FBXO45: variants seen among roughly 807,000 people sequenced by gnomAD.
FBXO45 encodes the protein F-box protein 45.
FBXO45 carries 3 observed loss-of-function variants against 25.5 expected under a neutral mutation model. That is an observed-to-expected ratio of 0.12 (90% CI 0.05 to 0.30). The LOEUF (loss-of-function observed/expected upper bound fraction) is 0.30, where lower values mean the gene tolerates loss of function less well. Among genes scored for constraint, FBXO45 ranks in the 10% least tolerant of loss-of-function variants. The pLI is 1.00. For synonymous variants in FBXO45, 155 were observed against 149.8 expected (o/e 1.03, Z -0.25); for missense variants, 219 against 365.0 (o/e 0.60, Z 3.26).
At chr3:196,582,781 A>G (rs1736036353) in intron 2 of FBXO45, among the ~76,000 whole-genome samples, 1 of 152,208 alleles carries the variant, frequency 6.6e-6, no homozygotes, top group Non-Finnish European at 1.5e-5. Flanking sequence ...TCTACATTAG[A>G]ATTTGTAGCC....
chr3:196,572,324 C>T (rs148807724), intron 1 of FBXO45, among the ~76,000 whole-genome samples: 1,658 of 152,266 alleles, frequency 0.011, 90 homozygotes, highest in Admixed American at 0.083. Context: ...GGATATTAAT[C>T]AAATAATCAC....
In FBXO45 at chr3:196,587,459, T is replaced by G. The variant is rs1438567985; in HGVS notation, c.*3141T>G. ...ATATTTAAAATCATTGTTCAGTGAT[T>G]AGGCATTTTCTGCCTTTTAGAATTA... On this transcript the variant is annotated 3_prime_UTR_variant, in exon 3 of 3. Transcript: ENST00000311630. 1 of 152,278 alleles carries G rather than the reference T, an allele frequency of 6.6e-6. No homozygotes were observed. Among genetic ancestry groups the G allele is most frequent in the African/African-American group, 2.4e-5 (1 of 41,472 alleles). 9.4% of individuals were successfully genotyped at this position (152,278 alleles called of 1,614,324 possible). A position where few individuals can be genotyped will look rare whatever the true frequency, so the allele number is the denominator to read the frequency against.
chr3:196,584,210 G>T lies in FBXO45; in HGVS notation c.753G>T (p.Gly251=), dbSNP rs780554125. Residue 251 remains glycine (G), a synonymous_variant, in exon 3 of 3, where the codon GGG becomes GGT. Coordinates refer to ENST00000311630, the MANE Select transcript of FBXO45 (RefSeq NM_001105573.2). The surrounding 1 kb of genome is among the most constrained non-coding windows in gnomAD (Gnocchi z 4.3). ...TTGAACGTGGATATGAGTTCCTGGG[G>T]GTTGCTTTTAGAGGACTTCCAAAGG... is the stretch of plus-strand genomic sequence containing the variant. ...LAFERGYEFL[G]VAFRGLPKVC... 1.2e-6 allele frequency: 2 copies of T among 1,613,814 alleles called. No individual in the cohort carries two copies. The highest frequency in any genetic ancestry group is 2.7e-5 in the African/African-American group (2 of 74,908).
In FBXO45 at chr3:196,577,808, A is replaced by C; in HGVS notation, c.674A>C (p.Gln225Pro). The part of the protein sequence containing the change: ...FPQCNNAPKY[Q>P]IGERIRVILD... ...CAGTGCAACAACGCACCAAAATATC[A>C]GGTGAGAAACTGGGGTTTTTCTCAA... The change falls in exon 2 of 3, where the codon CAG becomes CCG. Residue 225 changes from glutamine to proline, a missense_variant and splice_region_variant. By Grantham distance (76) the Gln-to-Pro change is moderately conservative. Around this residue, in one of 4 missense-constraint regions of FBXO45, gnomAD observed 34 missense variants for 48.2 expected, o/e 0.70. Transcript: ENST00000311630. The C allele has an allele frequency of 1.9e-6, 3 of 1,567,070 alleles. No individual in the cohort carries two copies. Among genetic ancestry groups the C allele is most frequent in the South Asian group, 1.1e-5 (1 of 87,098 alleles).
In FBXO45 at chr3:196,587,374, A is replaced by C. The variant is rs1216026948; in HGVS notation, c.*3056A>C. 1 of 152,240 alleles carries C rather than the reference A, an allele frequency of 6.6e-6. No homozygotes were observed. The highest frequency in any genetic ancestry group is 1.5e-5 in the Non-Finnish European group (1 of 68,038). The allele number at this position is 152,240 out of a possible 1,614,324, so 9.4% of individuals were successfully genotyped here. A position where few individuals can be genotyped will look rare whatever the true frequency, so the allele number is the denominator to read the frequency against. On this transcript the variant is annotated 3_prime_UTR_variant, in exon 3 of 3. Transcript: ENST00000311630. The stretch of plus-strand genomic sequence containing the variant: ...GCCATTTATTTCATCTCCCTCATTC[A>C]CATAAAGTGTAGATATGGATTCAAT...
intron 2 of FBXO45, among the ~76,000 whole-genome samples, chr3:196,578,043 A>ATTTTTTTTTTTTTTTTTT (rs1196867210): frequency 2.4e-4 from 6 of 25,188 alleles, no homozygotes; most frequent in East Asian, 2.5e-3. Flanking sequence ...GCAGAAAAAT[A>ATTTTTTTTTTTTTTTTTT]TTCTTTTTTT....
At chr3:196,578,870 T>C (rs1048337844) in intron 2 of FBXO45, among the ~76,000 whole-genome samples, 2 of 152,176 alleles carry the variant, frequency 1.3e-5, no homozygotes, top group Non-Finnish European at 2.9e-5. Context: ...AAACAATTCT[T>C]CCAGTGTGGC....
In FBXO45 at chr3:196,577,711, G is replaced by T; in HGVS notation, c.577G>T (p.Asp193Tyr). 6.2e-7 allele frequency: 1 copy of T among 1,613,948 alleles called. No individual in the cohort carries two copies. Among genetic ancestry groups the T allele is most frequent in the South Asian group, 1.1e-5 (1 of 91,044 alleles). ...TTATGTGGCATTGCTGGGCAGTGAT[G>T]ACCAGAGCTGGGGCTGGAATCTGGT... The part of the protein sequence containing the change: ...QGYVALLGSD[D>Y]QSWGWNLVDN... Residue 193 changes from aspartate to tyrosine, a missense_variant, in exon 2 of 3, where the codon GAC (aspartate) becomes TAC (tyrosine). By Grantham distance (160) the Asp-to-Tyr change is radical. Transcript: ENST00000311630.
rs933555906 is a variant in FBXO45 at position 196,584,302 on chromosome 3, A to C, written c.845A>C (p.Lys282Thr). Residue 282 changes from lysine to threonine, a missense_variant, in exon 3 of 3, where the codon AAA (lysine) becomes ACA (threonine). By Grantham distance (78) the Lys-to-Thr change is moderately conservative. Around this residue, in one of 4 missense-constraint regions of FBXO45, gnomAD observed 16 missense variants for 52.3 expected, o/e 0.31. Transcript: ENST00000311630. This position sits in a 1 kb window ranked among gnomAD's most constrained non-coding sequence, Gnocchi z 4.3. ...NTEVTLVYLG[K>T]PLDG ...GAAGTGACTTTGGTTTACCTTGGAA[A>C]ACCTTTGGACGGATGACAGTGGCTT... is the stretch of plus-strand genomic sequence containing the variant. 3 of 1,608,480 alleles carry C rather than the reference A, an allele frequency of 1.9e-6. No homozygotes were observed. The highest frequency in any genetic ancestry group is 2.5e-6 in the Non-Finnish European group (3 of 1,178,568).
At chr3:196,580,020 T>C (rs137993204) in intron 2 of FBXO45, among the ~76,000 whole-genome samples, 248 of 152,226 alleles carry the variant, frequency 1.6e-3, no homozygotes, top group African/African-American at 5.9e-3. Flanking sequence ...AGACGGAGTT[T>C]TACTCTTGTT....
chr3:196,580,267 A>ATGATCTCAGCTCACCGCAACCTC (rs1366689400), intron 2 of FBXO45, among the ~76,000 whole-genome samples: 2 of 148,510 alleles, frequency 1.3e-5, no homozygotes, highest in African/African-American at 5.0e-5. Context: ...GTGCAATGGC[A>ATGATCTCAGCTCACCGCAACCTC]TGATCTCAGC....
chr3:196,569,444 TC>T lies in FBXO45; in HGVS notation c.318+148del. Reference sequence around the variant, plus strand: ...GGCTCCAGTCAGTATCTTCCTCACCTCCCCCCAAGATAAAGATTCTCTTTTC... The same window carrying T: ...GGCTCCAGTCAGTATCTTCCTCACCTCCCCCAAGATAAAGATTCTCTTTTC... On this transcript the variant is annotated intron_variant, in intron 1 of 2. Coordinates refer to ENST00000311630, the MANE Select transcript of FBXO45 (RefSeq NM_001105573.2). This position sits in a 1 kb window ranked among gnomAD's most constrained non-coding sequence, Gnocchi z 4.1. 8.4e-6 allele frequency: 6 copies of T among 718,528 alleles called. No individual in the cohort carries two copies. The highest frequency in any genetic ancestry group is 8.6e-6 in the Non-Finnish European group (4 of 463,602). The allele number at this position is 718,528 out of a possible 1,614,324, so 44.5% of individuals were successfully genotyped here.
chr3:196,588,950 G>C lies in FBXO45; in HGVS notation c.*4632G>C, dbSNP rs142142591. 1.1e-3 allele frequency: 171 copies of C among 152,190 alleles called. 2 individuals carry two copies. Among genetic ancestry groups the C allele is most frequent in the African/African-American group, 4.0e-3 (166 of 41,510 alleles). 9.4% of individuals were successfully genotyped at this position (152,190 alleles called of 1,614,324 possible). A position where few individuals can be genotyped will look rare whatever the true frequency, so the allele number is the denominator to read the frequency against. ...CACTCCCCTCTACTCAAAAATACTG[G>C]TAAACTCTGATTTTTATATTTGTTT... On this transcript the variant is annotated 3_prime_UTR_variant, in exon 3 of 3. Coordinates refer to ENST00000311630, the MANE Select transcript of FBXO45 (RefSeq NM_001105573.2). The surrounding 1 kb of genome is among the most constrained non-coding windows in gnomAD (Gnocchi z 4.2).
chr3:196,569,415 C>T lies in FBXO45; in HGVS notation c.318+113C>T. ...AGCTTCGCCTCACCAGCCCGCCTTT[C>T]CACGGCTCCAGTCAGTATCTTCCTC... On this transcript the variant is annotated intron_variant, in intron 1 of 2. Coordinates refer to ENST00000311630, the MANE Select transcript of FBXO45 (RefSeq NM_001105573.2). The surrounding 1 kb of genome is among the most constrained non-coding windows in gnomAD (Gnocchi z 4.1). 1 of 1,046,650 alleles carries T rather than the reference C, an allele frequency of 9.6e-7. No individual in the cohort carries two copies. The highest frequency in any genetic ancestry group is 1.4e-6 in the Non-Finnish European group (1 of 740,028). The allele number at this position is 1,046,650 out of a possible 1,614,324, so 64.8% of individuals were successfully genotyped here. A position where few individuals can be genotyped will look rare whatever the true frequency, so the allele number is the denominator to read the frequency against.
chr3:196,586,353 G>A lies in FBXO45; in HGVS notation c.*2035G>A, dbSNP rs1165912743. The A allele has an allele frequency of 2.0e-5, 3 of 152,174 alleles. No individual in the cohort carries two copies. Among genetic ancestry groups the A allele is most frequent in the Non-Finnish European group, 2.9e-5 (2 of 68,024 alleles). The allele number at this position is 152,174 out of a possible 1,614,324, so 9.4% of individuals were successfully genotyped here. A position where few individuals can be genotyped will look rare whatever the true frequency, so the allele number is the denominator to read the frequency against. On this transcript the variant is annotated 3_prime_UTR_variant, in exon 3 of 3. Coordinates refer to ENST00000311630, the MANE Select transcript of FBXO45 (RefSeq NM_001105573.2). ...CATTTGCAACAGTTTTGAAGGTGCT[G>A]AGTGGAAAACCGAAACACATGGTTA...
Position 196,577,834 on chromosome 3 carries a change from G to A in FBXO45, c.675+25G>A, listed in dbSNP as rs747808419. 9.1e-6 allele frequency: 13 copies of A among 1,434,522 alleles called. No individual in the cohort carries two copies. The South Asian group carries it at 2.0e-4, about 22-fold the overall frequency. 88.9% of individuals were successfully genotyped at this position (1,434,522 alleles called of 1,614,324 possible). A position where few individuals can be genotyped will look rare whatever the true frequency, so the allele number is the denominator to read the frequency against. ...GGTGAGAAACTGGGGTTTTTCTCAA[G>A]TATGGGCCTTTGTCAAATCACGCCT... On this transcript the variant is annotated intron_variant, in intron 2 of 2. Coordinates refer to ENST00000311630, the MANE Select transcript of FBXO45 (RefSeq NM_001105573.2).
chr3:196,574,472 G>A (rs1560317094), intron 1 of FBXO45, among the ~76,000 whole-genome samples: 1 of 152,016 alleles, frequency 6.6e-6, no homozygotes, highest in Non-Finnish European at 1.5e-5. Flanking sequence ...TGTCTCTTAA[G>A]GCTATTTTAG....
At chr3:196,579,368 A>G (rs1735971300) in intron 2 of FBXO45, among the ~76,000 whole-genome samples, 1 of 152,162 alleles carries the variant, frequency 6.6e-6, no homozygotes, top group Non-Finnish European at 1.5e-5. Flanking sequence ...TTTTTCATGG[A>G]ATGTTTCCTC....
At chr3:196,578,043 A>ATTTTTTTTTTTTTTTTTTTT (rs1196867210) in intron 2 of FBXO45, among the ~76,000 whole-genome samples, 1 of 25,188 alleles carries the variant, frequency 4.0e-5, no homozygotes, top group South Asian at 1.3e-3. Flanking sequence ...GCAGAAAAAT[A>ATTTTTTTTTTTTTTTTTTTT]TTCTTTTTTT....
Sources: allele counts gnomAD v4.1 joint callset (sites outside exome capture counted in the v4.1 genomes callset), GRCh38; gene constraint gnomAD v4.1.1; regional missense constraint gnomAD v4.1.1; non-coding constraint Gnocchi (gnomAD v3.1); transcripts MANE v1.5; gene names NCBI Gene and HGNC (gene_info 2026-07-23, HGNC 2026-07-21).